Variants in PBX2 observed in about 807,000 individuals in gnomAD.
The protein encoded by PBX2 is PBX homeobox 2, also known as pre-B-cell leukemia transcription factor 2.
A neutral mutation model predicts 46.5 loss-of-function variants in PBX2; 10 were observed. That is an observed-to-expected ratio of 0.21 (90% CI 0.13 to 0.36). PBX2 has a LOEUF of 0.36. Among genes scored for constraint, PBX2 ranks in the 10% least tolerant of loss-of-function variants. The probability of loss-of-function intolerance (pLI) is 1.00; values close to 1 mark genes in which losing one functional copy is unlikely to be tolerated. For synonymous variants in PBX2, 160 were observed against 222.5 expected (o/e 0.72, Z 2.50); for missense variants, 392 against 580.5 (o/e 0.68, Z 3.34).
Position 32,189,476 on chromosome 6 carries a change from G to C in PBX2, c.221+219C>G, listed in dbSNP as rs1009478524. Among the ~76,000 whole-genome samples the C allele has an allele frequency of 6.6e-5, 10 of 152,096 alleles. No individual in the cohort carries two copies. Among genetic ancestry groups the C allele is most frequent in the African/African-American group, 2.4e-4 (10 of 41,404 alleles). Reference sequence around the variant, plus strand: ...GTCGGCAAAAGGTTAGGAGTGGGGAGCCGGGCCACCGGGGGTTCCCTCTGT... The same window carrying C: ...GTCGGCAAAAGGTTAGGAGTGGGGACCCGGGCCACCGGGGGTTCCCTCTGT... On this transcript the variant is annotated intron_variant, in intron 1 of 8. Coordinates refer to ENST00000375050, the MANE Select transcript of PBX2 (RefSeq NM_002586.5). The surrounding 1 kb of genome is among the most constrained non-coding windows in gnomAD (Gnocchi z 4.7).
Position 32,186,129 on chromosome 6 carries a change from G to GT in PBX2, c.*252dup. 3.5e-6 allele frequency: 2 copies of GT among 564,018 alleles called. No individual in the cohort carries two copies. The highest frequency in any genetic ancestry group is 6.3e-6 in the Non-Finnish European group (2 of 316,388). The allele number at this position is 564,018 out of a possible 1,614,324, so 34.9% of individuals were successfully genotyped here. ...TTTCTCGGTATGTGTATGTTTCTGT[G>GT]TAAGAAAGAAAGCGAGAGAGGAAAA... On this transcript the variant is annotated 3_prime_UTR_variant, in exon 9 of 9. Coordinates refer to ENST00000375050, the MANE Select transcript of PBX2 (RefSeq NM_002586.5). The surrounding 1 kb of genome is among the most constrained non-coding windows in gnomAD (Gnocchi z 4.2).
chr6:32,187,163 A>G lies in PBX2; in HGVS notation c.1024+79T>C. 14 of 1,573,602 alleles carry G rather than the reference A, an allele frequency of 8.9e-6. No individual in the cohort carries two copies. Among genetic ancestry groups the G allele is most frequent in the Non-Finnish European group, 1.2e-5 (14 of 1,149,778 alleles). ...CACCCCAAAAGGCCCCCTCTCTGCTATGATCCTGCCTAGATAGGAAGTGGG... is the reference window on the plus strand; with the variant it reads ...CACCCCAAAAGGCCCCCTCTCTGCTGTGATCCTGCCTAGATAGGAAGTGGG... On this transcript the variant is annotated intron_variant, in intron 6 of 8. Coordinates refer to ENST00000375050, the MANE Select transcript of PBX2 (RefSeq NM_002586.5). The surrounding 1 kb of genome is among the most constrained non-coding windows in gnomAD (Gnocchi z 7.7).
chr6:32,186,247 G>A lies in PBX2; in HGVS notation c.*135C>T, dbSNP rs998. 11 of 648,506 alleles carry A rather than the reference G, an allele frequency of 1.7e-5. No homozygotes were observed. Among genetic ancestry groups the A allele is most frequent in the Non-Finnish European group, 5.6e-6 (2 of 357,782 alleles). 40.2% of individuals were successfully genotyped at this position (648,506 alleles called of 1,614,324 possible). ...TAGCACCCCCAGCACAGAGAGTCTC[G>A]TTAGGGAGGGGATGACCCCATTGGC... On this transcript the variant is annotated 3_prime_UTR_variant, in exon 9 of 9. Coordinates refer to ENST00000375050, the MANE Select transcript of PBX2 (RefSeq NM_002586.5). This position sits in a 1 kb window ranked among gnomAD's most constrained non-coding sequence, Gnocchi z 4.2.
In PBX2 at chr6:32,188,230, C is replaced by G; in HGVS notation, c.543+27G>C. ...GATTCCCCTGCAAGAGCCCTTCCCT[C>G]CACCCACCCAAGCCTCCTCTCCTTA... On this transcript the variant is annotated intron_variant, in intron 3 of 8. Coordinates refer to ENST00000375050, the MANE Select transcript of PBX2 (RefSeq NM_002586.5). This position sits in a 1 kb window ranked among gnomAD's most constrained non-coding sequence, Gnocchi z 6.5. The G allele has an allele frequency of 6.2e-7, 1 of 1,609,374 alleles. No homozygotes were observed. Among genetic ancestry groups the G allele is most frequent in the Non-Finnish European group, 8.5e-7 (1 of 1,176,600 alleles).
chr6:32,186,690 C>T lies in PBX2; in HGVS notation c.1114G>A (p.Val372Met), dbSNP rs763303454. The T allele has an allele frequency of 1.2e-6, 2 of 1,612,390 alleles. No individual in the cohort carries two copies. Among genetic ancestry groups the T allele is most frequent in the Non-Finnish European group, 1.7e-6 (2 of 1,178,438 alleles). The stretch of plus-strand genomic sequence containing the variant: ...CCCATCGAGTGTCGGAGTGATTCCA[C>T]CTGCAGGCAGCAGAGGAAGGTATGA... The part of the protein sequence containing the change: ...LNGDSYSASQ[V>M]ESLRHSMGPG... Residue 372 changes from valine (V) to methionine (M), a missense_variant and splice_region_variant, in exon 8 of 9, where the codon GTG becomes ATG. Physicochemically the swap from Val to Met is conservative, Grantham distance 21 (BLOSUM62 1). This residue lies in a region of PBX2 where 116 missense variants were observed against 157.9 expected (regional missense o/e 0.73). Transcript: ENST00000375050. This position sits in a 1 kb window ranked among gnomAD's most constrained non-coding sequence, Gnocchi z 4.2.
rs1787229996 is a variant in PBX2, at chr6:32,188,203, G to A, written c.544-47C>T. Reference sequence around the variant, plus strand: ...TGGTGAGGAGGAGCCCTTTGACCATGGGATTCCCCTGCAAGAGCCCTTCCC... The same window carrying A: ...TGGTGAGGAGGAGCCCTTTGACCATAGGATTCCCCTGCAAGAGCCCTTCCC... On this transcript the variant is annotated intron_variant, in intron 3 of 8. Coordinates refer to ENST00000375050, the MANE Select transcript of PBX2 (RefSeq NM_002586.5). The surrounding 1 kb of genome is among the most constrained non-coding windows in gnomAD (Gnocchi z 6.5). The A allele has an allele frequency of 6.2e-6, 10 of 1,603,306 alleles. No individual in the cohort carries two copies. Among genetic ancestry groups the A allele is most frequent in the Non-Finnish European group, 8.5e-6 (10 of 1,173,114 alleles).
chr6:32,186,908 G>C lies in PBX2; in HGVS notation c.1025-7C>G, dbSNP rs749380338. The C allele has an allele frequency of 3.7e-6, 6 of 1,612,154 alleles. No individual in the cohort carries two copies. In the African/African-American group the frequency reaches 5.3e-5, roughly 14 times the overall value. The stretch of plus-strand genomic sequence containing the variant: ...TTGAAAGAGCCGCCAGAGCCTTGTG[G>C]GGGCAGAGAGGGAAGAGTGTAATAG... On this transcript the variant is annotated splice_region_variant and splice_polypyrimidine_tract_variant and intron_variant, in intron 6 of 8. Coordinates refer to ENST00000375050, the MANE Select transcript of PBX2 (RefSeq NM_002586.5). The surrounding 1 kb of genome is among the most constrained non-coding windows in gnomAD (Gnocchi z 4.2).
At position 32,188,076 on chromosome 6, in the gene PBX2, C is replaced by A. The variant is rs1301280822; in HGVS notation, c.624G>T (p.Met208Ile). ...GATGGATGATGCTCACCATGCGTTC[C>A]ATCTCTTTGGGGGCCACGGGCCTGG... The part of the protein sequence containing the change: ...SRTRPVAPKE[M>I]ERMVSIIHRK... Residue 208 changes from methionine to isoleucine, a missense_variant, in exon 4 of 9, where the codon ATG (methionine) becomes ATT (isoleucine). Physicochemically the swap from Met to Ile is conservative, Grantham distance 10. Coordinates refer to ENST00000375050, the MANE Select transcript of PBX2 (RefSeq NM_002586.5). The surrounding 1 kb of genome is among the most constrained non-coding windows in gnomAD (Gnocchi z 6.5). The A allele has an allele frequency of 6.3e-7, 1 of 1,598,422 alleles. No individual in the cohort carries two copies. The highest frequency in any genetic ancestry group is 8.5e-7 in the Non-Finnish European group (1 of 1,171,360).
rs909436387 is a variant in PBX2, at chr6:32,189,657, G to T, written c.221+38C>A. ...GATTCAGAACATGTGAACGGGGTTTGCTGGGTCTGTGTGGGGTCCCGGAGT... is the reference window on the plus strand; with the variant it reads ...GATTCAGAACATGTGAACGGGGTTTTCTGGGTCTGTGTGGGGTCCCGGAGT... On this transcript the variant is annotated intron_variant, in intron 1 of 8. Transcript: ENST00000375050. The surrounding 1 kb of genome is among the most constrained non-coding windows in gnomAD (Gnocchi z 4.7). The T allele has an allele frequency of 1.6e-5, 24 of 1,496,794 alleles. No homozygotes were observed. The highest frequency in any genetic ancestry group is 2.0e-5 in the Non-Finnish European group (22 of 1,081,370). The allele number at this position is 1,496,794 out of a possible 1,614,324, so 92.7% of individuals were successfully genotyped here. A position where few individuals can be genotyped will look rare whatever the true frequency, so the allele number is the denominator to read the frequency against.
Position 32,186,968 on chromosome 6 carries a change from A to C in PBX2, c.1025-67T>G. The C allele has an allele frequency of 1.5e-6, 2 of 1,358,130 alleles. No individual in the cohort carries two copies. The highest frequency in any genetic ancestry group is 2.1e-6 in the Non-Finnish European group (2 of 951,114). The allele number at this position is 1,358,130 out of a possible 1,614,324, so 84.1% of individuals were successfully genotyped here. On this transcript the variant is annotated intron_variant, in intron 6 of 8. Coordinates refer to ENST00000375050, the MANE Select transcript of PBX2 (RefSeq NM_002586.5). This position sits in a 1 kb window ranked among gnomAD's most constrained non-coding sequence, Gnocchi z 4.2. ...TGGTAGAGGATGAACCACAACTCTCAACTCTTGTGGGGACATGCTACTATA... is the reference window on the plus strand; with the variant it reads ...TGGTAGAGGATGAACCACAACTCTCCACTCTTGTGGGGACATGCTACTATA...
chr6:32,186,582 A>C lies in PBX2; in HGVS notation c.1200+22T>G. 1 of 1,582,690 alleles carries C rather than the reference A, an allele frequency of 6.3e-7. No homozygotes were observed. The highest frequency in any genetic ancestry group is 2.2e-5 in the East Asian group (1 of 44,736). ...TCTGTCCTGTGAGAACTGGACAGAG[A>C]GGAGCTTCAGGATCCACTCACCCTC... On this transcript the variant is annotated intron_variant, in intron 8 of 8. Coordinates refer to ENST00000375050, the MANE Select transcript of PBX2 (RefSeq NM_002586.5). This position sits in a 1 kb window ranked among gnomAD's most constrained non-coding sequence, Gnocchi z 4.2.
rs967736022 is a variant in PBX2 at position 32,189,093 on chromosome 6, G to T, written c.222-297C>A. The T allele has an allele frequency of 2.0e-6, 1 of 512,648 alleles. No individual in the cohort carries two copies. The highest frequency in any genetic ancestry group is 3.5e-6 in the Non-Finnish European group (1 of 283,906). The allele number at this position is 512,648 out of a possible 1,614,324, so 31.8% of individuals were successfully genotyped here. A position where few individuals can be genotyped will look rare whatever the true frequency, so the allele number is the denominator to read the frequency against. On this transcript the variant is annotated intron_variant, in intron 1 of 8. Transcript: ENST00000375050. This position sits in a 1 kb window ranked among gnomAD's most constrained non-coding sequence, Gnocchi z 4.7. ...GGAATCTGGGAGTGGATGGAGAAAG[G>T]AAAGTGACTTGGTAGGTTTCAGAGG...
rs2555459 is a variant in PBX2, at chr6:32,189,186, G to C, written c.222-390C>G. ...GTGGCAGAGTGGGGCTGGGGGTGCC[G>C]AGCTAACTGGGGAGATCAGTGTAGG... On this transcript the variant is annotated intron_variant, in intron 1 of 8. Coordinates refer to ENST00000375050, the MANE Select transcript of PBX2 (RefSeq NM_002586.5). This position sits in a 1 kb window ranked among gnomAD's most constrained non-coding sequence, Gnocchi z 4.7. 1 of 357,926 alleles carries C rather than the reference G, an allele frequency of 2.8e-6. No homozygotes were observed. Among genetic ancestry groups the C allele is most frequent in the Admixed American group, 3.9e-5 (1 of 25,492 alleles). The allele number at this position is 357,926 out of a possible 1,614,324, so 22.2% of individuals were successfully genotyped here.
rs759564873 is a variant in PBX2, at chr6:32,185,531, A to AAAAAT, written c.*850_*851insATTTT. The AAAAAT allele has an allele frequency of 1.8e-4, 1 of 5,448 alleles. No individual in the cohort carries two copies. Among genetic ancestry groups the AAAAAT allele is most frequent in the Admixed American group, 4.1e-3 (1 of 246 alleles). The allele number at this position is 5,448 out of a possible 1,614,324, so 0.3% of individuals were successfully genotyped here. The stretch of plus-strand genomic sequence containing the variant: ...CCTAATATGGGAAAGTAAGAAATAA[A>AAAAAT]AAAAAAAAAAGACAAGAAATCAACA... On this transcript the variant is annotated 3_prime_UTR_variant, in exon 9 of 9. Coordinates refer to ENST00000375050, the MANE Select transcript of PBX2 (RefSeq NM_002586.5).
In PBX2 at chr6:32,186,962, A is replaced by G. The variant is rs1434061879; in HGVS notation, c.1025-61T>C. The G allele has an allele frequency of 3.6e-6, 5 of 1,389,364 alleles. No individual in the cohort carries two copies. In the African/African-American group the frequency reaches 7.1e-5, roughly 20 times the overall value. The allele number at this position is 1,389,364 out of a possible 1,614,324, so 86.1% of individuals were successfully genotyped here. ...CCGTGATGGTAGAGGATGAACCACAACTCTCAACTCTTGTGGGGACATGCT... is the reference window on the plus strand; with the variant it reads ...CCGTGATGGTAGAGGATGAACCACAGCTCTCAACTCTTGTGGGGACATGCT... On this transcript the variant is annotated intron_variant, in intron 6 of 8. Coordinates refer to ENST00000375050, the MANE Select transcript of PBX2 (RefSeq NM_002586.5). This position sits in a 1 kb window ranked among gnomAD's most constrained non-coding sequence, Gnocchi z 4.2.
At position 32,186,576 on chromosome 6, in the gene PBX2, A is replaced by G; in HGVS notation, c.1200+28T>C. Reference sequence around the variant, plus strand: ...TGCCCCTCTGTCCTGTGAGAACTGGACAGAGAGGAGCTTCAGGATCCACTC... The same window carrying G: ...TGCCCCTCTGTCCTGTGAGAACTGGGCAGAGAGGAGCTTCAGGATCCACTC... On this transcript the variant is annotated intron_variant, in intron 8 of 8. Transcript: ENST00000375050. The surrounding 1 kb of genome is among the most constrained non-coding windows in gnomAD (Gnocchi z 4.2). 6.3e-7 allele frequency: 1 copy of G among 1,587,218 alleles called. No individual in the cohort carries two copies. Among genetic ancestry groups the G allele is most frequent in the Non-Finnish European group, 8.7e-7 (1 of 1,155,554 alleles).
rs1419612168 is a variant in PBX2, at chr6:32,188,365, G to A, written c.435C>T (p.Ala145=). ...TGTCAGGGGACACACCACCACCAGA[G>A]GCTGCAGCGGCTGCAGCTGCTGCTG... ...GSAAAAAAAA[A]SGGGVSPDNS... Residue 145 remains alanine, a synonymous_variant, in exon 3 of 9, where the codon GCC becomes GCT. Transcript: ENST00000375050. This position sits in a 1 kb window ranked among gnomAD's most constrained non-coding sequence, Gnocchi z 6.5. 6.2e-7 allele frequency: 1 copy of A among 1,613,882 alleles called. No homozygotes were observed. The highest frequency in any genetic ancestry group is 2.2e-5 in the East Asian group (1 of 44,888).
Position 32,186,845 on chromosome 6 carries a change from C to T in PBX2, c.1081G>A (p.Gly361Arg). The part of the protein sequence containing the change: ...GSGDMFLGMP[G>R]LNGDSYSASQ... ...GCAGAATAGGAATCTCCGTTGAGCC[C>T]AGGCATCCCCAGAAACATGTCTCCA... is the stretch of plus-strand genomic sequence containing the variant. Residue 361 changes from glycine (G) to arginine (R), a missense_variant, in exon 7 of 9, where the codon GGG becomes AGG. This residue lies in a region of PBX2 where 116 missense variants were observed against 157.9 expected (regional missense o/e 0.73). Coordinates refer to ENST00000375050, the MANE Select transcript of PBX2 (RefSeq NM_002586.5). This position sits in a 1 kb window ranked among gnomAD's most constrained non-coding sequence, Gnocchi z 4.2. 1 of 1,614,114 alleles carries T rather than the reference C, an allele frequency of 6.2e-7. No homozygotes were observed. Among genetic ancestry groups the T allele is most frequent in the Non-Finnish European group, 8.5e-7 (1 of 1,180,020 alleles).
At position 32,190,101 on chromosome 6, in the gene PBX2, C is replaced by T. The variant is rs1208612456; in HGVS notation, c.-186G>A. On this transcript the variant is annotated 5_prime_UTR_variant, in exon 1 of 9. Transcript: ENST00000375050. Reference sequence around the variant, plus strand: ...GGAGACCTGGGATACCGGCTGGGCCCCCCACAGGAGACCCCGGCCCCCGGC... The same window carrying T: ...GGAGACCTGGGATACCGGCTGGGCCTCCCACAGGAGACCCCGGCCCCCGGC... 2 of 445,382 alleles carry T rather than the reference C, an allele frequency of 4.5e-6. No individual in the cohort carries two copies. The highest frequency in any genetic ancestry group is 8.6e-5 in the Admixed American group (2 of 23,390). 27.6% of individuals were successfully genotyped at this position (445,382 alleles called of 1,614,324 possible).
Sources: allele counts gnomAD v4.1 joint callset (sites outside exome capture counted in the v4.1 genomes callset), GRCh38; gene constraint gnomAD v4.1.1; regional missense constraint gnomAD v4.1.1; non-coding constraint Gnocchi (gnomAD v3.1); transcripts MANE v1.5; gene names NCBI Gene and HGNC (gene_info 2026-07-23, HGNC 2026-07-21).